The following ITPK1 variants were observed in gnomAD, a reference collection of about 807,000 sequenced individuals.
The protein encoded by ITPK1 is inositol-tetrakisphosphate 1-kinase, also known as inositol 1,3,4-trisphosphate 5/6-kinase.
A neutral mutation model predicts 45.3 loss-of-function variants in ITPK1; 21 were observed. The observed-to-expected ratio is 0.46, with a 90% CI of 0.33 to 0.67. The LOEUF (loss-of-function observed/expected upper bound fraction) is 0.67, where lower values mean the gene tolerates loss of function less well. Ranked by LOEUF, ITPK1 falls within the 30% of genes least tolerant of loss-of-function variation. The probability of loss-of-function intolerance (pLI) is 0.02; values close to 1 mark genes in which losing one functional copy is unlikely to be tolerated. For synonymous variants in ITPK1, 258 were observed against 253.6 expected (o/e 1.02, Z -0.16); for missense variants, 474 against 573.5 (o/e 0.83, Z 1.77).
chr14:93,006,501 G>A (rs1887623214), intron 4 of ITPK1, among the ~76,000 whole-genome samples: 1 of 152,206 alleles, frequency 6.6e-6, no homozygotes, highest in African/African-American at 2.4e-5. Context: ...TCTGCATGCA[G>A]ACCCCACTGT....
rs1046767156 is a variant in ITPK1, at chr14:93,016,970, G to A, written c.121-169C>T. ...GACATGGAAAATACAGACAGGACAA[G>A]CAGGACAAACCCTCCAAGACCCCAC... is the stretch of plus-strand genomic sequence containing the variant. On this transcript the variant is annotated intron_variant, in intron 3 of 10. Coordinates refer to ENST00000267615, the MANE Select transcript of ITPK1 (RefSeq NM_014216.6). This position sits in a 1 kb window ranked among gnomAD's most constrained non-coding sequence, Gnocchi z 5.0. Among the ~76,000 whole-genome samples, 2 of 152,112 alleles carry A rather than the reference G, an allele frequency of 1.3e-5. No individual in the cohort carries two copies. Among genetic ancestry groups the A allele is most frequent in the Non-Finnish European group, 2.9e-5 (2 of 67,996 alleles).
chr14:92,961,466 G>A (rs190457045), intron 7 of ITPK1, among the ~76,000 whole-genome samples: 2 of 152,326 alleles, frequency 1.3e-5, no homozygotes, highest in East Asian at 3.9e-4. Context: ...GGGCGGGTGG[G>A]TGACTCATGA....
In ITPK1 at chr14:92,941,237, C is replaced by G. The variant is rs996237464; in HGVS notation, c.*324G>C. 7 of 1,327,306 alleles carry G rather than the reference C, an allele frequency of 5.3e-6. No homozygotes were observed. The highest frequency in any genetic ancestry group is 6.8e-6 in the Non-Finnish European group (7 of 1,035,536). The allele number at this position is 1,327,306 out of a possible 1,614,324, so 82.2% of individuals were successfully genotyped here. Reference sequence around the variant, plus strand: ...CAACAGACAGGGATGTGCACAGACACTGGCATGGCAGCCATACGCACACCC... The same window carrying G: ...CAACAGACAGGGATGTGCACAGACAGTGGCATGGCAGCCATACGCACACCC... On this transcript the variant is annotated 3_prime_UTR_variant, in exon 11 of 11. Coordinates refer to ENST00000267615, the MANE Select transcript of ITPK1 (RefSeq NM_014216.6).
rs1485210837 is a variant in ITPK1 at position 93,063,610 on chromosome 14, T to A, written c.120+12985A>T. ...GAGAGGTTGTGCCACTACCCAGGAC[T>A]GCACAGCCTTGGAGGGATGGAGCTG... On this transcript the variant is annotated intron_variant, in intron 3 of 10. Transcript: ENST00000267615. This position sits in a 1 kb window ranked among gnomAD's most constrained non-coding sequence, Gnocchi z 4.3. 6.6e-6 allele frequency among the ~76,000 whole-genome samples: 1 copy of A among 152,194 alleles called. No homozygotes were observed. Among genetic ancestry groups the A allele is most frequent in the Non-Finnish European group, 1.5e-5 (1 of 68,044 alleles).
At position 93,012,301 on chromosome 14, in the gene ITPK1, G is replaced by C. The variant is rs1887952978; in HGVS notation, c.246+4375C>G. Among the ~76,000 whole-genome samples the C allele has an allele frequency of 6.6e-6, 1 of 152,218 alleles. No homozygotes were observed. The highest frequency in any genetic ancestry group is 2.4e-5 in the African/African-American group (1 of 41,450). On this transcript the variant is annotated intron_variant, in intron 4 of 10. Coordinates refer to ENST00000267615, the MANE Select transcript of ITPK1 (RefSeq NM_014216.6). The surrounding 1 kb of genome is among the most constrained non-coding windows in gnomAD (Gnocchi z 4.9). ...GGCATGAAGGAAAAGTGCAAAGTTG[G>C]CAGGGCCTGGGACGAGAGATGTGTC...
chr14:93,093,406 C>T (rs75595060), intron 2 of ITPK1, among the ~76,000 whole-genome samples: 3,379 of 152,328 alleles, frequency 0.022, 76 homozygotes, highest in Admixed American at 0.081. Context: ...GCCCTCCTCC[C>T]AGTCAGAAGT....
chr14:93,002,160 C>G (rs879850883), intron 4 of ITPK1, among the ~76,000 whole-genome samples: 2 of 152,096 alleles, frequency 1.3e-5, no homozygotes, highest in Non-Finnish European at 2.9e-5. Context: ...TCAAGACCAG[C>G]CTGGGCAACA....
chr14:92,956,729 TTAATA>T (rs972368809), intron 8 of ITPK1, among the ~76,000 whole-genome samples: 78 of 152,232 alleles, frequency 5.1e-4, no homozygotes, highest in African/African-American at 1.7e-3. Context: ...TCCTCTTAAT[TTAATA>T]TATTTTCCAT....
intron 2 of ITPK1, among the ~76,000 whole-genome samples, chr14:93,104,642 G>A (rs1319491610): frequency 6.6e-6 from 1 of 152,132 alleles, no homozygotes; most frequent in Non-Finnish European, 1.5e-5. Flanking sequence ...CTGAGTCTCA[G>A]GGCCCTCATC....
rs941561888 is a variant in ITPK1 at position 93,063,675 on chromosome 14, G to A, written c.120+12920C>T. Among the ~76,000 whole-genome samples the A allele has an allele frequency of 2.6e-5, 4 of 152,186 alleles. No individual in the cohort carries two copies. Among genetic ancestry groups the A allele is most frequent in the Non-Finnish European group, 5.9e-5 (4 of 68,044 alleles). On this transcript the variant is annotated intron_variant, in intron 3 of 10. Coordinates refer to ENST00000267615, the MANE Select transcript of ITPK1 (RefSeq NM_014216.6). This position sits in a 1 kb window ranked among gnomAD's most constrained non-coding sequence, Gnocchi z 4.3. ...TCACTGGACTCTCACCAGGCAGGCA[G>A]TCTTCGGAGCAGAAGAGGCACTGGC...
intron 2 of ITPK1, among the ~76,000 whole-genome samples, chr14:93,095,188 T>TACC (rs769094249): frequency 2.0e-5 from 3 of 152,030 alleles, no homozygotes; most frequent in East Asian, 1.9e-4. Flanking sequence ...ACCACCTACA[T>TACC]ACCACCACCA....
intron 8 of ITPK1, among the ~76,000 whole-genome samples, chr14:92,956,121 C>T (rs1368513372): frequency 7.2e-6 from 1 of 139,176 alleles, no homozygotes; most frequent in Non-Finnish European, 1.6e-5. Context: ...GCTTAGTCTG[C>T]TTTTTTTTTT....
intron 3 of ITPK1, among the ~76,000 whole-genome samples, chr14:93,024,784 C>T (rs1888650082): frequency 6.6e-6 from 1 of 152,214 alleles, no homozygotes; most frequent in Non-Finnish European, 1.5e-5. Flanking sequence ...CGAACTGAGG[C>T]TGTATAACCA....
rs748709467 is a variant in ITPK1 at position 93,014,764 on chromosome 14, G to A, written c.246+1912C>T. On this transcript the variant is annotated intron_variant, in intron 4 of 10. Transcript: ENST00000267615. This position sits in a 1 kb window ranked among gnomAD's most constrained non-coding sequence, Gnocchi z 4.4. The stretch of plus-strand genomic sequence containing the variant: ...GCAGCTGCTTCTTCCTCCACAGGAC[G>A]GGAATCATTGAACCTTACAGCTCAT... 3.3e-5 allele frequency among the ~76,000 whole-genome samples: 5 copies of A among 152,240 alleles called. No homozygotes were observed. Among genetic ancestry groups the A allele is most frequent in the African/African-American group, 4.8e-5 (2 of 41,464 alleles).
Position 92,962,227 on chromosome 14 carries a change from T to C in ITPK1, c.504+128A>G. On this transcript the variant is annotated intron_variant, in intron 7 of 10. Transcript: ENST00000267615. ...GTCCAGGGAAGGGAAGGAGGCTATC[T>C]ACCAAGGAGCCAGGACTAACAGCAG... 5.2e-6 allele frequency: 4 copies of C among 764,844 alleles called. No individual in the cohort carries two copies. In the South Asian group the frequency reaches 5.7e-5, roughly 11 times the overall value. The allele number at this position is 764,844 out of a possible 1,614,324, so 47.4% of individuals were successfully genotyped here. A position where few individuals can be genotyped will look rare whatever the true frequency, so the allele number is the denominator to read the frequency against.
chr14:92,953,523 C>T (rs1166096945), intron 8 of ITPK1, among the ~76,000 whole-genome samples: 8 of 152,350 alleles, frequency 5.3e-5, no homozygotes, highest in East Asian at 3.9e-4. Context: ...GGGAGGGGAA[C>T]GCTGCCCACC....
chr14:93,078,359 C>G (rs567821478), intron 2 of ITPK1, among the ~76,000 whole-genome samples: 1 of 152,162 alleles, frequency 6.6e-6, no homozygotes, highest in Non-Finnish European at 1.5e-5. Context: ...AGGCACTGAG[C>G]GGAACCTCAC....
At chr14:93,046,039 GCACA>G (rs1566753929) in intron 3 of ITPK1, among the ~76,000 whole-genome samples, 1 of 152,178 alleles carries the variant, frequency 6.6e-6, no homozygotes, top group African/African-American at 2.4e-5. Context: ...CCCTCACCAG[GCACA>G]CACAGAGTCC....
intron 2 of ITPK1, among the ~76,000 whole-genome samples, chr14:93,081,249 G>A (rs1324480967): frequency 6.6e-6 from 1 of 151,832 alleles, no homozygotes; most frequent in African/African-American, 2.4e-5. Flanking sequence ...CAGGAGAATT[G>A]CTTTAACCCA....
Sources: allele counts gnomAD v4.1 joint callset (sites outside exome capture counted in the v4.1 genomes callset), GRCh38; gene constraint gnomAD v4.1.1; non-coding constraint Gnocchi (gnomAD v3.1); transcripts MANE v1.5; gene names NCBI Gene and HGNC (gene_info 2026-07-23, HGNC 2026-07-21).